The following HIPK2 variants were observed in gnomAD, a reference collection of about 807,000 sequenced individuals.
The protein encoded by HIPK2 is homeodomain-interacting protein kinase 2.
HIPK2 carries 27 observed loss-of-function variants against 113.7 expected under a neutral mutation model. The ratio of observed to expected loss-of-function variants is 0.24; its 90% confidence interval spans 0.17 to 0.33. HIPK2 has a LOEUF of 0.33. HIPK2 is among the 10% of genes least tolerant of loss of function. The pLI is 1.00. For missense variants in HIPK2, 1,257 were observed against 1,588.0 expected (o/e 0.79, Z 3.54); for synonymous variants, 631 against 642.2 (o/e 0.98, Z 0.26).
chr7:139,657,694 G>A (rs896457807), intron 2 of HIPK2, among the ~76,000 whole-genome samples: 1 of 152,168 alleles, frequency 6.6e-6, no homozygotes, highest in African/African-American at 2.4e-5. Flanking sequence ...TAAACTGTAA[G>A]AGTCATGCCA....
intron 6 of HIPK2, among the ~76,000 whole-genome samples, chr7:139,620,823 A>G (rs1800210297): frequency 6.6e-6 from 1 of 152,196 alleles, no homozygotes; most frequent in African/African-American, 2.4e-5. Context: ...TATCACAACA[A>G]AACTGACTGC....
At chr7:139,661,211 C>T (rs963424365) in intron 2 of HIPK2, among the ~76,000 whole-genome samples, 7 of 152,298 alleles carry the variant, frequency 4.6e-5, no homozygotes, top group African/African-American at 1.7e-4. Context: ...CTGGCTCCAG[C>T]ACACCACTGG....
intron 2 of HIPK2, among the ~76,000 whole-genome samples, chr7:139,708,684 G>A (rs1794979352): frequency 6.6e-6 from 1 of 152,210 alleles, no homozygotes; most frequent in African/African-American, 2.4e-5. Flanking sequence ...GGACACTGGG[G>A]TATTTTCATG....
At chr7:139,729,359 GAGAGA>G (rs1795695798) in intron 1 of HIPK2, among the ~76,000 whole-genome samples, 1 of 149,984 alleles carries the variant, frequency 6.7e-6, no homozygotes, top group African/African-American at 2.5e-5. Context: ...GAGAGAGAGA[GAGAGA>G]GAGAGAGAGA....
chr7:139,722,968 A>T (rs1164290624), intron 1 of HIPK2, among the ~76,000 whole-genome samples: 1 of 151,820 alleles, frequency 6.6e-6, no homozygotes. Flanking sequence ...GGCTCACATG[A>T]TTCTCCTGCC....
At chr7:139,588,618 G>A (rs1316970966) in intron 12 of HIPK2, among the ~76,000 whole-genome samples, 1 of 152,106 alleles carries the variant, frequency 6.6e-6, no homozygotes, top group Admixed American at 6.5e-5. Flanking sequence ...GGGACTCTAG[G>A]AGGTCTCTGA....
chr7:139,691,846 A>G (rs952666169), intron 2 of HIPK2, among the ~76,000 whole-genome samples: 1 of 152,246 alleles, frequency 6.6e-6, no homozygotes, highest in Non-Finnish European at 1.5e-5. Flanking sequence ...TGTCAAGTAC[A>G]AAATTGTATT....
chr7:139,615,064 C>G (rs149856910), intron 7 of HIPK2, among the ~76,000 whole-genome samples: 5 of 152,196 alleles, frequency 3.3e-5, no homozygotes, highest in Non-Finnish European at 7.3e-5. Flanking sequence ...ACACTCCCCT[C>G]GGGCCTGGTG....
chr7:139,674,341 C>T (rs10954654), intron 2 of HIPK2, among the ~76,000 whole-genome samples: 40,697 of 152,042 alleles, frequency 0.27, 6,371 homozygotes, highest in East Asian at 0.68. Flanking sequence ...TTATTCCACA[C>T]ATAAAGCAAT....
intron 1 of HIPK2, among the ~76,000 whole-genome samples, chr7:139,734,431 A>C (rs1001012669): frequency 6.6e-6 from 1 of 152,224 alleles, no homozygotes; most frequent in East Asian, 1.9e-4. Context: ...GATGCCCTAC[A>C]GGAGTCTGGC....
At chr7:139,721,438 C>A (rs926881632) in intron 1 of HIPK2, among the ~76,000 whole-genome samples, 1 of 152,118 alleles carries the variant, frequency 6.6e-6, no homozygotes. Context: ...GAGCCCACAA[C>A]GTATTACTTC....
At chr7:139,579,752 C>T (rs1050347646) in intron 13 of HIPK2, among the ~76,000 whole-genome samples, 8 of 152,240 alleles carry the variant, frequency 5.3e-5, no homozygotes, top group South Asian at 2.1e-4. Context: ...GGTGAGCTGC[C>T]GCAGTGGGGA....
At chr7:139,669,910 A>C (rs1389850884) in intron 2 of HIPK2, among the ~76,000 whole-genome samples, 1 of 152,202 alleles carries the variant, frequency 6.6e-6, no homozygotes, top group African/African-American at 2.4e-5. Context: ...ATGAATTTTC[A>C]ACTGGAATAA....
At position 139,613,132 on chromosome 7, in the gene HIPK2, A is replaced by G; in HGVS notation, c.2112+70T>C. On this transcript the variant is annotated intron_variant, in intron 9 of 14. Coordinates refer to ENST00000406875, the MANE Select transcript of HIPK2 (RefSeq NM_022740.5). The surrounding 1 kb of genome is among the most constrained non-coding windows in gnomAD (Gnocchi z 4.2). ...TACTAGGGAGAGAGGGAGTGGAGAT[A>G]TATATCTTTTGTGAACAACATTAAC... 1 of 1,572,056 alleles carries G rather than the reference A, an allele frequency of 6.4e-7. No individual in the cohort carries two copies. Among genetic ancestry groups the G allele is most frequent in the Admixed American group, 1.7e-5 (1 of 57,364 alleles).
At chr7:139,648,716 A>G (rs1426278924) in intron 2 of HIPK2, among the ~76,000 whole-genome samples, 1 of 151,896 alleles carries the variant, frequency 6.6e-6, no homozygotes, top group African/African-American at 2.4e-5. Flanking sequence ...ATTACGGAGG[A>G]CGGAGGACGG....
Position 139,604,129 on chromosome 7 carries a change from G to A in HIPK2, c.2207C>T (p.Thr736Ile). The A allele has an allele frequency of 6.2e-7, 1 of 1,613,988 alleles. No homozygotes were observed. Among genetic ancestry groups the A allele is most frequent in the Non-Finnish European group, 8.5e-7 (1 of 1,179,900 alleles). The change falls in exon 10 of 15, where the codon ACC (threonine) becomes ATC (isoleucine). Residue 736 changes from threonine to isoleucine, a missense_variant. Physicochemically the swap from Thr to Ile is moderately conservative, Grantham distance 89. This residue lies in a region of HIPK2 where 862 missense variants were observed against 1,004.3 expected (regional missense o/e 0.86). Transcript: ENST00000406875. ...VATHTSVQHA[T>I]VIPETMAGTQ... ...GCCTGCCATGGTCTCGGGAATCACG[G>A]TGGCATGCTGCACTGATGTGTGGGT...
At chr7:139,730,319 C>T (rs914562307) in intron 1 of HIPK2, among the ~76,000 whole-genome samples, 3 of 152,058 alleles carry the variant, frequency 2.0e-5, no homozygotes, top group Non-Finnish European at 4.4e-5. Context: ...TCTATTCTTT[C>T]CCATTTTGGT....
chr7:139,742,087 A>G (rs1796112387), intron 1 of HIPK2, among the ~76,000 whole-genome samples: 1 of 152,192 alleles, frequency 6.6e-6, no homozygotes, highest in African/African-American at 2.4e-5. Flanking sequence ...TACATTTTCC[A>G]TTAGGAATGT....
rs1012836104 is a variant in HIPK2, at chr7:139,573,078, C to T, written c.3446G>A (p.Gly1149Asp). Residue 1149 changes from glycine (G) to aspartate (D), a missense_variant, in exon 15 of 15, where the codon GGC becomes GAC. This residue lies in a region of HIPK2 where 862 missense variants were observed against 1,004.3 expected (regional missense o/e 0.86). Transcript: ENST00000406875. ...SIVHQVPVSM[G>D]PRVLPSPTIH... ...GGTGGGCGAGGGCAGGACCCGGGGG[C>T]CCATGCTCACGGGGACCTGGTGGAC... 2.5e-6 allele frequency: 4 copies of T among 1,611,602 alleles called. No homozygotes were observed. Among genetic ancestry groups the T allele is most frequent in the African/African-American group, 1.3e-5 (1 of 74,834 alleles).
Sources: allele counts gnomAD v4.1 joint callset (sites outside exome capture counted in the v4.1 genomes callset), GRCh38; gene constraint gnomAD v4.1.1; regional missense constraint gnomAD v4.1.1; non-coding constraint Gnocchi (gnomAD v3.1); transcripts MANE v1.5; gene names NCBI Gene and HGNC (gene_info 2026-07-23, HGNC 2026-07-21).